The following TMEM154 variants were observed in gnomAD, a reference collection of about 807,000 sequenced individuals.
TMEM154 encodes transmembrane protein 154.
In TMEM154, 27 loss-of-function variants were observed where a neutral mutation model predicts 24.5. The observed-to-expected ratio is 1.10, with a 90% CI of 0.81 to 1.52. The LOEUF (loss-of-function observed/expected upper bound fraction) is 1.52. Ranked by LOEUF, TMEM154 falls within the 40% of genes most tolerant of loss-of-function variation. The pLI, the probability that TMEM154 is intolerant of heterozygous loss-of-function variation, is 0.00. For missense variants in TMEM154, 228 were observed against 213.4 expected, an observed-to-expected ratio of 1.07 and a Z score of -0.43; for synonymous variants, 67 against 76.8, an observed-to-expected ratio of 0.87 and a Z score of 0.67.
At chr4:152,630,331 A>G (rs1413592563) in intron 6 of TMEM154, among the ~76,000 whole-genome samples, 1 of 151,460 alleles carries the variant, frequency 6.6e-6, no homozygotes, top group East Asian at 1.9e-4. Flanking sequence ...AAAAAAAAAG[A>G]CAAACCATAT....
rs1346942736 is a variant in TMEM154 at position 152,671,332 on chromosome 4, C to A, written c.64+8538G>T. ...GACTCTATCTCAAGGAGATGAAGAA[C>A]CACTGAGGGATGAGTACAGGAGGAA... On this transcript the variant is annotated intron_variant, in intron 1 of 6. Transcript: ENST00000304385. 9.2e-5 allele frequency among the ~76,000 whole-genome samples: 14 copies of A among 152,030 alleles called. No individual in the cohort carries two copies. In the East Asian group the frequency reaches 2.7e-3, roughly 29 times the overall value.
At chr4:152,646,687 C>T (rs1217558992) in intron 3 of TMEM154, 5 of 404,478 alleles carry the variant, frequency 1.2e-5, no homozygotes, top group Non-Finnish European at 2.2e-5. Context: ...TCAGTTCCTA[C>T]TTCCCCCCCA....
At chr4:152,637,022 T>G (rs996363268) in intron 6 of TMEM154, among the ~76,000 whole-genome samples, 2 of 152,144 alleles carry the variant, frequency 1.3e-5, no homozygotes, top group Non-Finnish European at 2.9e-5. Flanking sequence ...GGTGTGTCAA[T>G]GTAGGTTGAT....
At chr4:152,679,422 T>C (rs1393415165) in intron 1 of TMEM154, among the ~76,000 whole-genome samples, 1 of 151,836 alleles carries the variant, frequency 6.6e-6, no homozygotes, top group Non-Finnish European at 1.5e-5. Flanking sequence ...TGCTTTCTAG[T>C]AGTAAATTTT....
At position 152,626,369 on chromosome 4, in the gene TMEM154, G is replaced by A. The variant is rs1051434028; in HGVS notation, c.*2177C>T. 7.9e-5 allele frequency: 12 copies of A among 152,410 alleles called. No homozygotes were observed. Among genetic ancestry groups the A allele is most frequent in the African/African-American group, 2.9e-4 (12 of 41,410 alleles). 9.4% of individuals were successfully genotyped at this position (152,410 alleles called of 1,614,324 possible). On this transcript the variant is annotated 3_prime_UTR_variant, in exon 7 of 7. Coordinates refer to ENST00000304385, the MANE Select transcript of TMEM154 (RefSeq NM_152680.3). ...AAGTTTGGGTTTAAAAACAATTCTT[G>A]AAACTGTCATAAACATATGATATCT...
chr4:152,639,447 C>T (rs1394128321), intron 6 of TMEM154, among the ~76,000 whole-genome samples: 2 of 152,170 alleles, frequency 1.3e-5, no homozygotes, highest in East Asian at 3.8e-4. Flanking sequence ...TAGTAGTGAT[C>T]TGAGCCCTAT....
At chr4:152,637,731 A>T (rs977583286) in intron 6 of TMEM154, among the ~76,000 whole-genome samples, 1 of 152,184 alleles carries the variant, frequency 6.6e-6, no homozygotes, top group Non-Finnish European at 1.5e-5. Context: ...TAGGTCTTAA[A>T]ATGAGTCTTC....
chr4:152,640,340 C>A (rs926023853), intron 6 of TMEM154, among the ~76,000 whole-genome samples: 2 of 152,128 alleles, frequency 1.3e-5, no homozygotes, highest in African/African-American at 2.4e-5. Context: ...CATGTCCTGA[C>A]AAAACAGTTC....
intron 3 of TMEM154, 109 bp from the exon 4 acceptor site, chr4:152,644,551 G>A: frequency 4.6e-6 from 5 of 1,090,508 alleles, no homozygotes; most frequent in East Asian, 2.4e-5. Flanking sequence ...ATGACATTAA[G>A]TAACATTTTT....
At position 152,624,524 on chromosome 4, in the gene TMEM154, C is replaced by T. The variant is rs1286667581; in HGVS notation, c.*4022G>A. 5 of 152,070 alleles carry T rather than the reference C, an allele frequency of 3.3e-5. No individual in the cohort carries two copies. The highest frequency in any genetic ancestry group is 1.2e-4 in the African/African-American group (5 of 41,370). 9.4% of individuals were successfully genotyped at this position (152,070 alleles called of 1,614,324 possible). ...GCTGAGGTAATAGAATCACCTGAGC[C>T]TGGGAAGTTGAGGCTGCAGTGAGCC... is the stretch of plus-strand genomic sequence containing the variant. On this transcript the variant is annotated 3_prime_UTR_variant, in exon 7 of 7. Transcript: ENST00000304385.
At chr4:152,630,166 G>T (rs958353883) in intron 6 of TMEM154, among the ~76,000 whole-genome samples, 2 of 151,802 alleles carry the variant, frequency 1.3e-5, no homozygotes, top group Non-Finnish European at 1.5e-5. Context: ...TTAAACATTA[G>T]CCAAGTGTGG....
chr4:152,654,109 G>C (rs1416237342), intron 1 of TMEM154, among the ~76,000 whole-genome samples: 1 of 152,130 alleles, frequency 6.6e-6, no homozygotes, highest in Non-Finnish European at 1.5e-5. Context: ...CTACTGACTT[G>C]ATGACTATCT....
chr4:152,628,400 T>C lies in TMEM154; in HGVS notation c.*146A>G. On this transcript the variant is annotated 3_prime_UTR_variant, in exon 7 of 7. Transcript: ENST00000304385. The stretch of plus-strand genomic sequence containing the variant: ...CAAGTGATGCCATCATTAGGAAGAG[T>C]GGGCGTTGGAAGAAACAGCAAAAGG... 14 of 1,299,632 alleles carry C rather than the reference T, an allele frequency of 1.1e-5. No homozygotes were observed. Among genetic ancestry groups the C allele is most frequent in the South Asian group, 1.0e-4 (8 of 80,010 alleles). The allele number at this position is 1,299,632 out of a possible 1,614,324, so 80.5% of individuals were successfully genotyped here. A position where few individuals can be genotyped will look rare whatever the true frequency, so the allele number is the denominator to read the frequency against.
intron 4 of TMEM154, among the ~76,000 whole-genome samples, chr4:152,643,998 G>A (rs1752306522): frequency 6.7e-6 from 1 of 149,494 alleles, no homozygotes; most frequent in South Asian, 2.1e-4. Flanking sequence ...GGGGGTTCTT[G>A]CTGTGTGAAC....
At chr4:152,630,849 G>A (rs1274255203) in intron 6 of TMEM154, among the ~76,000 whole-genome samples, 1 of 151,934 alleles carries the variant, frequency 6.6e-6, no homozygotes, top group African/African-American at 2.4e-5. Flanking sequence ...GTACAAAATG[G>A]GATCATATTT....
At chr4:152,646,290 A>T (rs1157751796) in intron 3 of TMEM154, among the ~76,000 whole-genome samples, 1 of 152,178 alleles carries the variant, frequency 6.6e-6, no homozygotes, top group African/African-American at 2.4e-5. Context: ...AACTTTTAAA[A>T]GCCATCACAA....
At position 152,652,392 on chromosome 4, in the gene TMEM154, C is replaced by T. The variant is rs184060582; in HGVS notation, c.364+146G>A. On this transcript the variant is annotated intron_variant, in intron 3 of 6. Coordinates refer to ENST00000304385, the MANE Select transcript of TMEM154 (RefSeq NM_152680.3). ...TTTTTTTTTTAAAGAAAGGAATATG[C>T]ATATATTCACTTCTGGAAAATTTCA... The T allele has an allele frequency of 4.9e-3, 5,792 of 1,184,392 alleles. 24 individuals carry two copies. Among genetic ancestry groups the T allele is most frequent in the Admixed American group, 7.9e-3 (268 of 33,916 alleles). The allele number at this position is 1,184,392 out of a possible 1,614,324, so 73.4% of individuals were successfully genotyped here.
rs374363438 is a variant in TMEM154 at position 152,652,892 on chromosome 4, T to C, written c.100A>G (p.Thr34Ala). 1.9e-6 allele frequency: 3 copies of C among 1,611,870 alleles called. No homozygotes were observed. The African/African-American group carries it at 4.0e-5, about 22-fold the overall frequency. ...YEELENSGDT[T>A]VESERPNKVT... ...TTATTTGGTCTTTCAGATTCCACAG[T>C]TGTATCTCCTGAGTTTTCTAATTCC... Residue 34 changes from threonine to alanine, a missense_variant, in exon 2 of 7, where the codon ACT (threonine) becomes GCT (alanine). Thr to Ala is a moderately conservative substitution (Grantham distance 58, BLOSUM62 0). Coordinates refer to ENST00000304385, the MANE Select transcript of TMEM154 (RefSeq NM_152680.3).
At position 152,679,909 on chromosome 4, in the gene TMEM154, CTA is replaced by C. The variant is rs1729028833; in HGVS notation, c.23_24del (p.Leu8ArgfsTer15). The C allele has an allele frequency of 1.1e-5, 18 of 1,611,030 alleles. No individual in the cohort carries two copies. The highest frequency in any genetic ancestry group is 1.4e-5 in the Non-Finnish European group (16 of 1,179,114). ...ACGAGCGCGATCACCAGGGCGAAGA[CTA>C]GGGCTGCGCGGGGAGCCTGCATGTC... Reference protein sequence around the residue: MQAPRAALVFALVIALVP... With the variant: MQAPRAAXVFALVIALVP... On this transcript the variant is annotated frameshift_variant, in exon 1 of 7. Coordinates refer to ENST00000304385, the MANE Select transcript of TMEM154 (RefSeq NM_152680.3). LOFTEE classifies it high-confidence loss of function.
Sources: allele counts gnomAD v4.1 joint callset (sites outside exome capture counted in the v4.1 genomes callset), GRCh38; gene constraint gnomAD v4.1.1; transcripts MANE v1.5; gene names NCBI Gene and HGNC (gene_info 2026-07-23, HGNC 2026-07-21).